Variants in DDX46 observed in about 807,000 individuals in gnomAD.
DDX46 encodes DEAD-box helicase 46, also known as probable ATP-dependent RNA helicase DDX46.
DDX46 carries 30 observed loss-of-function variants against 134.9 expected under a neutral mutation model. The observed-to-expected ratio is 0.22, with a 90% CI of 0.17 to 0.30. The LOEUF (loss-of-function observed/expected upper bound fraction) is 0.30, where lower values mean the gene tolerates loss of function less well. Ranked by LOEUF, DDX46 falls within the 10% of genes least tolerant of loss-of-function variation. DDX46 has a pLI of 1.00. For missense variants in DDX46, 622 were observed against 1,248.7 expected (o/e 0.50, Z 7.56); for synonymous variants, 415 against 404.1 (o/e 1.03, Z -0.32).
At position 134,762,733 on chromosome 5, in the gene DDX46, CA is replaced by C. The variant is rs1428707993; in HGVS notation, c.18-1163del. On this transcript the variant is annotated intron_variant, in intron 1 of 22. Coordinates refer to ENST00000452510, the MANE Select transcript of DDX46 (RefSeq NM_001300860.2). Reference sequence around the variant, plus strand: ...GGGCAACAAGAGTGCGACTCTGTCTCAAAAAAAATAAATAAAATAAAATAAA... The same window carrying C: ...GGGCAACAAGAGTGCGACTCTGTCTCAAAAAAATAAATAAAATAAAATAAA... 2.7e-5 allele frequency among the ~76,000 whole-genome samples: 4 copies of C among 149,374 alleles called. No homozygotes were observed. In the East Asian group the frequency reaches 5.9e-4, roughly 22 times the overall value.
rs1419364786 is a variant in DDX46, at chr5:134,764,002, G to C, written c.116G>C (p.Arg39Pro). ...AGAAGTAAACGTGGAGATGACAGAC[G>C]GTCTAGAAGTAGAGATAGAGATAGG... ...DKRSKRGDDR[R>P]SRSRDRDRRR... Residue 39 changes from arginine to proline, a missense_variant, in exon 2 of 23, where the codon CGG (arginine) becomes CCG (proline). Transcript: ENST00000452510. 6.2e-7 allele frequency: 1 copy of C among 1,614,172 alleles called. No homozygotes were observed. Among genetic ancestry groups the C allele is most frequent in the South Asian group, 1.1e-5 (1 of 91,088 alleles).
chr5:134,825,641 T>C (rs1202068450), intron 21 of DDX46, among the ~76,000 whole-genome samples: 1 of 152,224 alleles, frequency 6.6e-6, no homozygotes, highest in African/African-American at 2.4e-5. Context: ...ATCTTTAGTC[T>C]TCTTTGATTC....
At chr5:134,817,441 C>A in intron 19 of DDX46, 55 bp from the exon 20 acceptor site, 2 of 1,541,506 alleles carry the variant, frequency 1.3e-6, no homozygotes, top group South Asian at 1.2e-5. Flanking sequence ...TGGTGTGGTC[C>A]CTACTCTTGT....
intron 15 of DDX46, among the ~76,000 whole-genome samples, chr5:134,800,644 C>T (rs1305890141): frequency 2.6e-5 from 4 of 152,012 alleles, no homozygotes; most frequent in Admixed American, 6.6e-5. Context: ...TATCCATAAC[C>T]GCTGGCAACC....
intron 18 of DDX46, among the ~76,000 whole-genome samples, chr5:134,814,930 T>G (rs544562088): frequency 4.6e-5 from 7 of 151,992 alleles, no homozygotes; most frequent in African/African-American, 1.7e-4. Context: ...CTAAAACCCT[T>G]TAATAGGTAA....
At chr5:134,792,104 G>T (rs951309401) in intron 13 of DDX46, among the ~76,000 whole-genome samples, 3 of 152,230 alleles carry the variant, frequency 2.0e-5, no homozygotes, top group Middle Eastern at 3.4e-3. Context: ...TTGAACCTGG[G>T]AGGCACAGGG....
intron 2 of DDX46, among the ~76,000 whole-genome samples, chr5:134,766,229 CTT>C (rs1222892527): frequency 1.3e-5 from 2 of 152,138 alleles, no homozygotes; most frequent in African/African-American, 2.4e-5. Context: ...TAATTACAGA[CTT>C]ATTATGGTTT....
chr5:134,781,250 AT>A lies in DDX46; in HGVS notation c.879+9del. 6.3e-7 allele frequency: 1 copy of A among 1,596,000 alleles called. No individual in the cohort carries two copies. Among genetic ancestry groups the A allele is most frequent in the Non-Finnish European group, 8.5e-7 (1 of 1,172,218 alleles). ...GAATGACCAGGATGCCATGGAGGTG[AT>A]TTTTCTTAATTTTGACTTTGTTTAT... On this transcript the variant is annotated splice_donor_5th_base_variant and intron_variant, in intron 7 of 22. Coordinates refer to ENST00000452510, the MANE Select transcript of DDX46 (RefSeq NM_001300860.2).
chr5:134,780,096 A>G (rs902792014), intron 6 of DDX46, among the ~76,000 whole-genome samples: 3 of 123,416 alleles, frequency 2.4e-5, no homozygotes, highest in Admixed American at 8.9e-5. Flanking sequence ...TGAAAAAAAT[A>G]TATGTGTGTG....
At chr5:134,760,566 A>T (rs778253440) in intron 1 of DDX46, among the ~76,000 whole-genome samples, 87 of 152,202 alleles carry the variant, frequency 5.7e-4, no homozygotes, top group Admixed American at 2.7e-3. Context: ...AGCAGCAATG[A>T]GTAAGATTTA....
At chr5:134,808,635 C>G (rs1334151638) in intron 16 of DDX46, among the ~76,000 whole-genome samples, 1 of 151,998 alleles carries the variant, frequency 6.6e-6, no homozygotes, top group Admixed American at 6.6e-5. Flanking sequence ...AAAATATACC[C>G]ATCTCCACAC....
At chr5:134,796,945 A>G (rs1226738514) in intron 15 of DDX46, among the ~76,000 whole-genome samples, 1 of 151,088 alleles carries the variant, frequency 6.6e-6, no homozygotes, top group African/African-American at 2.4e-5. Flanking sequence ...TGAGGTTGGG[A>G]GTTCGAGACC....
chr5:134,782,204 A>T, intron 8 of DDX46, 118 bp downstream of exon 8: 29 of 1,110,316 alleles, frequency 2.6e-5, no homozygotes, highest in Non-Finnish European at 3.5e-5. Context: ...AAATATTTTT[A>T]AAATGATCAA....
chr5:134,800,507 T>C (rs1206073118), intron 15 of DDX46, among the ~76,000 whole-genome samples: 1 of 152,158 alleles, frequency 6.6e-6, no homozygotes, highest in Non-Finnish European at 1.5e-5. Flanking sequence ...GCTTCCAGTA[T>C]TTTGGTTGCT....
In DDX46 at chr5:134,781,265, G is replaced by T. The variant is rs1580787182; in HGVS notation, c.879+19G>T. ...CATGGAGGTGATTTTTCTTAATTTTGACTTTGTTTATGATACTATCCTGGA... is the reference window on the plus strand; with the variant it reads ...CATGGAGGTGATTTTTCTTAATTTTTACTTTGTTTATGATACTATCCTGGA... On this transcript the variant is annotated intron_variant, in intron 7 of 22. Transcript: ENST00000452510. 3 of 1,578,062 alleles carry T rather than the reference G, an allele frequency of 1.9e-6. No individual in the cohort carries two copies. The South Asian group carries it at 3.4e-5, about 18-fold the overall frequency.
At chr5:134,797,924 T>G (rs529950110) in intron 15 of DDX46, among the ~76,000 whole-genome samples, 2 of 152,174 alleles carry the variant, frequency 1.3e-5, no homozygotes, top group African/African-American at 4.8e-5. Context: ...GTGATTCTCC[T>G]GCCTCAGCCT....
intron 15 of DDX46, among the ~76,000 whole-genome samples, chr5:134,799,734 G>A (rs534430503): frequency 1.3e-4 from 19 of 145,748 alleles, no homozygotes; most frequent in African/African-American, 3.8e-4. Context: ...GCGAGACTCC[G>A]TCTCAAGAAA....
rs550841240 is a variant in DDX46, at chr5:134,800,039, C to A, written c.1954+3889C>A. Among the ~76,000 whole-genome samples the A allele has an allele frequency of 3.9e-5, 6 of 152,186 alleles. No homozygotes were observed. In the East Asian group the frequency reaches 1.2e-3, roughly 29 times the overall value. On this transcript the variant is annotated intron_variant, in intron 15 of 22. Coordinates refer to ENST00000452510, the MANE Select transcript of DDX46 (RefSeq NM_001300860.2). ...CTAGGTTCCCTGCAACCTCCACCTC[C>A]CAGGTTCAAGTGATTCTCCTGCCTC...
Position 134,784,387 on chromosome 5 carries a change from G to A in DDX46, c.1188G>A (p.Thr396=), listed in dbSNP as rs1228214367. 1.2e-6 allele frequency: 2 copies of A among 1,610,578 alleles called. No homozygotes were observed. The highest frequency in any genetic ancestry group is 1.7e-5 in the Admixed American group (1 of 58,982). ...SLKKHGYEKP[T]PIQTQAIPAI... Reference sequence around the variant, plus strand: ...TAAGGCATGGCTATGAAAAGCCCACGCCCATCCAAACCCAAGCTATTCCTG... The same window carrying A: ...TAAGGCATGGCTATGAAAAGCCCACACCCATCCAAACCCAAGCTATTCCTG... The change falls in exon 10 of 23, where the codon ACG becomes ACA. Residue 396 remains threonine (T), a synonymous_variant. Coordinates refer to ENST00000452510, the MANE Select transcript of DDX46 (RefSeq NM_001300860.2).
Sources: gnomAD v4.1 joint callset for allele counts (sites outside exome capture counted in the v4.1 genomes callset) on GRCh38, gnomAD v4.1.1 for gene constraint, MANE v1.5 for transcripts, NCBI Gene and HGNC (gene_info 2026-07-23, HGNC 2026-07-21) for gene names.